CSMD3: variants seen among roughly 807,000 people sequenced by gnomAD.
CSMD3 encodes the protein CUB and sushi domain-containing protein 3.
A neutral mutation model predicts 435.2 loss-of-function variants in CSMD3; 177 were observed. That is an observed-to-expected ratio of 0.41 (90% CI 0.36 to 0.46). The LOEUF (loss-of-function observed/expected upper bound fraction) is 0.46. Among genes scored for constraint, CSMD3 ranks in the 20% least tolerant of loss-of-function variants. The pLI, the probability that CSMD3 is intolerant of heterozygous loss-of-function variation, is 0.34. For missense variants in CSMD3, 4,265 were observed against 4,504.6 expected, an observed-to-expected ratio of 0.95 and a Z score of 1.52; for synonymous variants, 1,656 against 1,520.5, an observed-to-expected ratio of 1.09 and a Z score of -2.07.
chr8:112,318,929 C>T lies in CSMD3; in HGVS notation c.7268G>A (p.Cys2423Tyr). 1 of 1,609,450 alleles carries T rather than the reference C, an allele frequency of 6.2e-7. No individual in the cohort carries two copies. The highest frequency in any genetic ancestry group is 8.5e-7 in the Non-Finnish European group (1 of 1,177,138). Reference sequence around the variant, plus strand: ...ACCAACTAAAGTAAATCCTGGAAGACACTGATACCTAATAATATCACCTAT... The same window carrying T: ...ACCAACTAAAGTAAATCCTGGAAGATACTGATACCTAATAATATCACCTAT... Reference protein sequence around the residue: ...FEIGDIIRYQCLPGFTLVGNA... With the variant: ...FEIGDIIRYQYLPGFTLVGNA... The change falls in exon 47 of 71, where the codon TGT (cysteine) becomes TAT (tyrosine). Residue 2423 changes from cysteine to tyrosine, a missense_variant. Cys to Tyr is a radical substitution (Grantham distance 194, BLOSUM62 -2). Transcript: ENST00000297405.
chr8:113,302,543 AT>A (rs1229210538), intron 2 of CSMD3, among the ~76,000 whole-genome samples: 1 of 151,566 alleles, frequency 6.6e-6, no homozygotes, highest in Non-Finnish European at 1.5e-5. Flanking sequence ...ACGAGCTCAT[AT>A]TAATTATGTA....
intron 3 of CSMD3, among the ~76,000 whole-genome samples, chr8:113,223,236 A>T (rs554778434): frequency 6.6e-6 from 1 of 150,544 alleles, no homozygotes; most frequent in Non-Finnish European, 1.5e-5. Flanking sequence ...TGCTTTTTTA[A>T]AGCAAGTCAG....
chr8:112,448,383 T>A (rs149608393), intron 32 of CSMD3, among the ~76,000 whole-genome samples: 1 of 152,186 alleles, frequency 6.6e-6, no homozygotes, highest in East Asian at 1.9e-4. Flanking sequence ...TTCCCACTCA[T>A]AGCAGGGTGA....
intron 5 of CSMD3, among the ~76,000 whole-genome samples, chr8:113,094,521 A>T (rs1354886694): frequency 6.6e-6 from 1 of 152,180 alleles, no homozygotes; most frequent in Non-Finnish European, 1.5e-5. Context: ...TCTGCCAATA[A>T]ACAAGCAAAA....
At chr8:112,319,043 T>C in intron 46 of CSMD3, 93 bp from the exon 47 acceptor site, 2 of 787,542 alleles carry the variant, frequency 2.5e-6, no homozygotes, top group Admixed American at 1.9e-5. Context: ...TTTTCTCCTT[T>C]AGTTATTTTC....
At chr8:113,236,210 G>T (rs1369992409) in intron 3 of CSMD3, among the ~76,000 whole-genome samples, 4 of 152,102 alleles carry the variant, frequency 2.6e-5, no homozygotes, top group Admixed American at 1.3e-4. Context: ...CTGCAGGTCC[G>T]CCTTTGCATA....
chr8:112,373,042 A>G (rs1828589650), intron 38 of CSMD3, among the ~76,000 whole-genome samples: 1 of 148,528 alleles, frequency 6.7e-6, no homozygotes, highest in South Asian at 2.1e-4. Flanking sequence ...TCATGAGTAG[A>G]AAAATCAGAT....
chr8:113,052,263 G>C (rs1245648735), intron 5 of CSMD3, among the ~76,000 whole-genome samples: 2 of 152,096 alleles, frequency 1.3e-5, no homozygotes, highest in African/African-American at 4.8e-5. Flanking sequence ...TATTTTAGCT[G>C]TCCAAGTTAA....
chr8:112,791,319 GAAAAA>G (rs3047119), intron 13 of CSMD3, among the ~76,000 whole-genome samples: 74 of 103,178 alleles, frequency 7.2e-4, no homozygotes, highest in Middle Eastern at 4.7e-3. Context: ...CATATCCTGT[GAAAAA>G]AAAAAAAAAA....
chr8:112,245,137 G>A (rs1221488153), intron 64 of CSMD3, among the ~76,000 whole-genome samples: 1 of 151,622 alleles, frequency 6.6e-6, no homozygotes, highest in Non-Finnish European at 1.5e-5. Flanking sequence ...TTTACATATG[G>A]AATTTTCAGG....
intron 1 of CSMD3, among the ~76,000 whole-genome samples, chr8:113,430,688 T>C (rs1164389096): frequency 4.6e-5 from 7 of 152,206 alleles, no homozygotes; most frequent in African/African-American, 9.6e-5. Flanking sequence ...TGAAAATCAC[T>C]GTAGTCCAAA....
chr8:113,134,814 T>C (rs1240996912), intron 4 of CSMD3, among the ~76,000 whole-genome samples: 2 of 151,966 alleles, frequency 1.3e-5, no homozygotes, highest in African/African-American at 4.8e-5. Flanking sequence ...ATGATTCTGG[T>C]AGCTGGAAAG....
chr8:112,421,739 A>T (rs1374119577), intron 32 of CSMD3, among the ~76,000 whole-genome samples: 1 of 149,408 alleles, frequency 6.7e-6, no homozygotes, highest in African/African-American at 2.4e-5. Flanking sequence ...TTTCCAATGA[A>T]AGTGAGAGAA....
intron 10 of CSMD3, among the ~76,000 whole-genome samples, chr8:112,920,916 T>C (rs71508423): frequency 0.44 from 63,619 of 145,498 alleles, 13,902 homozygotes; most frequent in East Asian, 0.5. Flanking sequence ...TATATATATA[T>C]ATACACACAC....
intron 32 of CSMD3, among the ~76,000 whole-genome samples, chr8:112,435,471 T>G (rs1449591579): frequency 6.6e-6 from 1 of 152,032 alleles, no homozygotes; most frequent in Non-Finnish European, 1.5e-5. Context: ...AACCATTATA[T>G]CACACTGTAT....
chr8:112,789,533 T>C lies in CSMD3; in HGVS notation c.1972+10629A>G, dbSNP rs527934120. ...AACACTGAAATGTATCTGTGTAACA[T>C]GCTTATATTATGTTAGTATATGACA... On this transcript the variant is annotated intron_variant, in intron 13 of 70. Transcript: ENST00000297405. Among the ~76,000 whole-genome samples the C allele has an allele frequency of 3.3e-5, 5 of 152,140 alleles. No individual in the cohort carries two copies. The South Asian group carries it at 1.0e-3, about 32-fold the overall frequency.
intron 56 of CSMD3, 125 bp from the exon 57 acceptor site, chr8:112,289,663 CA>C (rs1291541365): frequency 3.1e-6 from 2 of 638,538 alleles, no homozygotes; most frequent in Admixed American, 6.0e-5. Context: ...CTCCAGAAAT[CA>C]AACATCTATG....
chr8:112,906,694 A>G (rs2082273077), intron 10 of CSMD3, among the ~76,000 whole-genome samples: 1 of 151,458 alleles, frequency 6.6e-6, no homozygotes, highest in Non-Finnish European at 1.5e-5. Flanking sequence ...CTCACTAGCT[A>G]TCATCTCCCA....
chr8:113,062,001 C>T (rs1387093506), intron 5 of CSMD3, among the ~76,000 whole-genome samples: 1 of 151,448 alleles, frequency 6.6e-6, no homozygotes, highest in African/African-American at 2.4e-5. Flanking sequence ...ATTAGAGACA[C>T]CAGTTAAGCA....
Sources: allele counts gnomAD v4.1 joint callset (sites outside exome capture counted in the v4.1 genomes callset), GRCh38; gene constraint gnomAD v4.1.1; transcripts MANE v1.5; gene names NCBI Gene and HGNC (gene_info 2026-07-23, HGNC 2026-07-21).